Variants in CCDC178 observed in about 807,000 individuals in gnomAD.
CCDC178 encodes the protein coiled-coil domain containing 178.
CCDC178 carries 126 observed loss-of-function variants against 117.4 expected under a neutral mutation model. That is an observed-to-expected ratio of 1.07 (90% confidence interval 0.93 to 1.24). The LOEUF is 1.24. Ranked by LOEUF, CCDC178 falls within the 50% of genes most tolerant of loss-of-function variation. The pLI, the probability that CCDC178 is intolerant of heterozygous loss-of-function variation, is 0.00. For synonymous variants in CCDC178, 283 were observed against 313.4 expected, an observed-to-expected ratio of 0.90 and a Z score of 1.02; for missense variants, 1,030 against 986.9, an observed-to-expected ratio of 1.04 and a Z score of -0.59.
chr18:33,149,745 A>G (rs893843040), intron 20 of CCDC178, among the ~76,000 whole-genome samples: 4 of 152,224 alleles, frequency 2.6e-5, no homozygotes, highest in African/African-American at 9.6e-5. Flanking sequence ...ATTATTCTAA[A>G]TAATTGACTA....
At chr18:33,076,726 C>T (rs1471017222) in intron 21 of CCDC178, among the ~76,000 whole-genome samples, 4 of 152,206 alleles carry the variant, frequency 2.6e-5, no homozygotes, top group Non-Finnish European at 5.9e-5. Flanking sequence ...CTAACCCTGT[C>T]ATGCTACCAT....
At chr18:33,111,566 C>T (rs1254671300) in intron 20 of CCDC178, among the ~76,000 whole-genome samples, 1 of 151,652 alleles carries the variant, frequency 6.6e-6, no homozygotes, top group Admixed American at 6.6e-5. Context: ...AAACATTCCC[C>T]TACCCAACAT....
intron 2 of CCDC178, among the ~76,000 whole-genome samples, chr18:33,413,001 G>A (rs1568210887): frequency 6.6e-6 from 1 of 152,144 alleles, no homozygotes; most frequent in East Asian, 1.9e-4. Context: ...TATTTAACAA[G>A]TTTCTCTGTT....
intron 21 of CCDC178, among the ~76,000 whole-genome samples, chr18:32,982,702 T>C (rs928792512): frequency 6.6e-6 from 1 of 152,064 alleles, no homozygotes; most frequent in African/African-American, 2.4e-5. Context: ...AGATACAGAA[T>C]CCAAACAGAA....
chr18:32,967,098 T>C (rs560093021), intron 22 of CCDC178, among the ~76,000 whole-genome samples: 1 of 151,942 alleles, frequency 6.6e-6, no homozygotes, highest in East Asian at 1.9e-4. Context: ...ATTGTTATTG[T>C]TAGCAAATGC....
intron 21 of CCDC178, among the ~76,000 whole-genome samples, chr18:32,990,186 T>G (rs2055360241): frequency 6.6e-6 from 1 of 152,128 alleles, no homozygotes; most frequent in Admixed American, 6.5e-5. Context: ...TGTCATAATG[T>G]CAATTTTTCA....
At chr18:33,409,313 G>C (rs2063820807) in intron 3 of CCDC178, among the ~76,000 whole-genome samples, 1 of 152,038 alleles carries the variant, frequency 6.6e-6, no homozygotes, top group Non-Finnish European at 1.5e-5. Context: ...TCCAACTCCT[G>C]GTCTCAAGTG....
intron 15 of CCDC178, among the ~76,000 whole-genome samples, chr18:33,236,965 C>A (rs1461041253): frequency 6.6e-6 from 1 of 152,128 alleles, no homozygotes; most frequent in African/African-American, 2.4e-5. Context: ...CCTCATAAGC[C>A]CTGAGCCCAG....
At chr18:33,195,824 A>T (rs188913916) in intron 20 of CCDC178, among the ~76,000 whole-genome samples, 2 of 152,228 alleles carry the variant, frequency 1.3e-5, no homozygotes, top group Non-Finnish European at 2.9e-5. Context: ...CCTTTCCCCT[A>T]CTGGAAATGT....
At chr18:33,334,533 A>G (rs1370339689) in intron 9 of CCDC178, among the ~76,000 whole-genome samples, 1 of 152,066 alleles carries the variant, frequency 6.6e-6, no homozygotes, top group Non-Finnish European at 1.5e-5. Context: ...TTGGAATAAA[A>G]TTAGATGGGC....
chr18:33,294,487 T>C (rs188156079), intron 11 of CCDC178, among the ~76,000 whole-genome samples: 7 of 152,276 alleles, frequency 4.6e-5, no homozygotes, highest in Admixed American at 4.6e-4. Context: ...CCAATAAATA[T>C]ATGGTGTGCT....
chr18:33,145,784 C>T (rs1441122978), intron 20 of CCDC178, among the ~76,000 whole-genome samples: 2 of 152,134 alleles, frequency 1.3e-5, no homozygotes, highest in Non-Finnish European at 2.9e-5. Flanking sequence ...GATGGTGGAA[C>T]CAGAAGATGA....
At chr18:33,038,650 G>A (rs144008929) in intron 21 of CCDC178, among the ~76,000 whole-genome samples, 9 of 152,036 alleles carry the variant, frequency 5.9e-5, no homozygotes, top group East Asian at 3.9e-4. Context: ...AAAAAATAGC[G>A]CAGGCTAGAC....
chr18:33,239,303 A>G (rs954467514), intron 15 of CCDC178, among the ~76,000 whole-genome samples: 4 of 152,064 alleles, frequency 2.6e-5, no homozygotes, highest in Non-Finnish European at 4.4e-5. Context: ...TAGGACATAC[A>G]AAACAACCAG....
intron 4 of CCDC178, among the ~76,000 whole-genome samples, chr18:33,393,433 T>C (rs1261989431): frequency 6.6e-6 from 1 of 152,128 alleles, no homozygotes; most frequent in African/African-American, 2.4e-5. Flanking sequence ...TTGATAAGTG[T>C]GTACATAAAT....
chr18:32,978,125 T>C (rs181886806), intron 21 of CCDC178, among the ~76,000 whole-genome samples: 176 of 151,768 alleles, frequency 1.2e-3, no homozygotes, highest in Middle Eastern at 3.4e-3. Flanking sequence ...AATTTATCCA[T>C]ATTCACATGT....
intron 15 of CCDC178, among the ~76,000 whole-genome samples, chr18:33,232,539 T>C (rs2059379506): frequency 6.6e-6 from 1 of 152,168 alleles, no homozygotes; most frequent in African/African-American, 2.4e-5. Flanking sequence ...CTGGACTGAA[T>C]TAGTGGGACC....
chr18:33,181,530 A>G (rs1452016276), intron 20 of CCDC178, among the ~76,000 whole-genome samples: 3 of 151,958 alleles, frequency 2.0e-5, no homozygotes, highest in Non-Finnish European at 2.9e-5. Context: ...GCATGCAAAC[A>G]TGTGCCATCT....
intron 11 of CCDC178, among the ~76,000 whole-genome samples, chr18:33,310,651 A>G (rs1461904947): frequency 6.6e-6 from 1 of 152,130 alleles, no homozygotes; most frequent in South Asian, 2.1e-4. Flanking sequence ...GCAACACTGA[A>G]TTCCAGTCTG....
Sources: allele counts gnomAD v4.1 joint callset (sites outside exome capture counted in the v4.1 genomes callset), GRCh38; gene constraint gnomAD v4.1.1; transcripts MANE v1.5; gene names NCBI Gene and HGNC (gene_info 2026-07-23, HGNC 2026-07-21).